Variants in SLC4A9 observed in about 807,000 individuals in gnomAD.
SLC4A9 encodes solute carrier family 4 member 9, also known as anion exchange protein 4.
A neutral mutation model predicts 103.2 loss-of-function variants in SLC4A9; 102 were observed. The observed-to-expected ratio is 0.99, with a 90% CI of 0.84 to 1.17. SLC4A9 has a LOEUF of 1.17. Ranked by LOEUF, SLC4A9 falls within the 50% of genes most tolerant of loss-of-function variation. The pLI is 0.00. For synonymous variants in SLC4A9, 453 were observed against 483.6 expected, an observed-to-expected ratio of 0.94 and a Z score of 0.83; for missense variants, 1,091 against 1,193.7, an observed-to-expected ratio of 0.91 and a Z score of 1.27.
rs750240953 is a variant in SLC4A9 at position 140,364,204 on chromosome 5, C to G, written c.1388+17C>G. 9 of 1,562,316 alleles carry G rather than the reference C, an allele frequency of 5.8e-6. No individual in the cohort carries two copies. The highest frequency in any genetic ancestry group is 4.8e-5 in the South Asian group (4 of 82,500). On this transcript the variant is annotated intron_variant, in intron 10 of 21. Transcript: ENST00000506757. ...TTTCAGCAGGTAGGAGAGCTCCCCC[C>G]ATCACCGGACCCTCACTAGTGCCAT... is the stretch of plus-strand genomic sequence containing the variant.
chr5:140,372,878 G>A, intron 21 of SLC4A9, 35 bp downstream of exon 21: 2 of 1,316,058 alleles, frequency 1.5e-6, no homozygotes, highest in Non-Finnish European at 2.1e-6. Flanking sequence ...TGATGTTGAG[G>A]ATGGGAGGTG....
chr5:140,364,885 G>T (rs1767654333), intron 11 of SLC4A9, among the ~76,000 whole-genome samples: 1 of 152,220 alleles, frequency 6.6e-6, no homozygotes, highest in Non-Finnish European at 1.5e-5. Context: ...TAATGATGAA[G>T]CCAAAATTGA....
Position 140,360,444 on chromosome 5 carries a change from C to A in SLC4A9, c.208C>A (p.Leu70Met), listed in dbSNP as rs1161264853. The A allele has an allele frequency of 1.3e-6, 2 of 1,583,994 alleles. No homozygotes were observed. The highest frequency in any genetic ancestry group is 1.8e-5 in the Admixed American group (1 of 55,820). Residue 70 changes from leucine to methionine, a missense_variant, in exon 1 of 22, where the codon CTG (leucine) becomes ATG (methionine). By Grantham distance (15) the Leu-to-Met change is conservative (BLOSUM62 2). Coordinates refer to ENST00000506757, the MANE Select transcript of SLC4A9 (RefSeq NM_031467.3). Reference protein sequence around the residue: ...LNELLGWPQALEWRETGRWVL... With the variant: ...LNELLGWPQAMEWRETGRWVL... ...TGAGCTGCTGGGCTGGCCCCAGGCG[C>A]TGGAGTGGAGAGAGACAGGCAGGTA... is the stretch of plus-strand genomic sequence containing the variant.
At position 140,371,135 on chromosome 5, in the gene SLC4A9, T is replaced by G. The variant is rs772538775; in HGVS notation, c.2468T>G (p.Met823Arg). 3 of 1,612,302 alleles carry G rather than the reference T, an allele frequency of 1.9e-6. No individual in the cohort carries two copies. The highest frequency in any genetic ancestry group is 1.7e-5 in the Admixed American group (1 of 59,748). The change falls in exon 18 of 22, where the codon ATG becomes AGG. Residue 823 changes from methionine (M) to arginine (R), a missense_variant. Met to Arg is a moderately conservative substitution (Grantham distance 91). Transcript: ENST00000506757. ...GTGCTCTATGGCATCTTCCTGTATA[T>G]GGGGGTGGCAGCGCTCAGCAGCATT... is the stretch of plus-strand genomic sequence containing the variant. ...MPVLYGIFLY[M>R]GVAALSSIQF... is the part of the protein sequence containing the mutation.
chr5:140,365,602 T>G (rs2126766392), intron 12 of SLC4A9, 24 bp downstream of exon 12: 1 of 1,608,184 alleles, frequency 6.2e-7, no homozygotes, highest in Non-Finnish European at 8.5e-7. Flanking sequence ...CCTGGGAGGT[T>G]CTAGGAAGGA....
At chr5:140,367,675 G>A in intron 15 of SLC4A9, 45 bp from the exon 16 acceptor site, 1 of 1,610,304 alleles carries the variant, frequency 6.2e-7, no homozygotes, top group Non-Finnish European at 8.5e-7. Context: ...AGAGGGCTGG[G>A]GCCTGGGCTA....
chr5:140,370,573 G>T (rs1561620876), intron 17 of SLC4A9, among the ~76,000 whole-genome samples: 1 of 152,298 alleles, frequency 6.6e-6, no homozygotes, highest in East Asian at 1.9e-4. Flanking sequence ...GATTAAGAGT[G>T]CCAGGGGCTA....
Position 140,372,251 on chromosome 5 carries a change from C to T in SLC4A9, c.2680C>T (p.Leu894Phe), listed in dbSNP as rs761726362. The T allele has an allele frequency of 6.4e-7, 1 of 1,565,166 alleles. No homozygotes were observed. The highest frequency in any genetic ancestry group is 8.6e-7 in the Non-Finnish European group (1 of 1,162,316). The change falls in exon 20 of 22, where the codon CTT becomes TTT. Residue 894 changes from leucine to phenylalanine, a missense_variant. Physicochemically the swap from Leu to Phe is conservative, Grantham distance 22. Transcript: ENST00000506757. ...GTTTCTATTCCTGCAGTTGCTGGGC[C>T]TTGTGGGGGTCCGAAAGGCCCTGGA... ...AIIFPLMLLG[L>F]VGVRKALERV...
Position 140,367,906 on chromosome 5 carries a change from C to A in SLC4A9, c.2354+8C>A. 3.1e-6 allele frequency: 5 copies of A among 1,613,204 alleles called. No individual in the cohort carries two copies. Among genetic ancestry groups the A allele is most frequent in the Non-Finnish European group, 4.2e-6 (5 of 1,179,566 alleles). The stretch of plus-strand genomic sequence containing the variant: ...CAACTTCCTGGGTATCAGGTGAGGG[C>A]GGTATTTAGGAAGTGGAGTAAGAGG... On this transcript the variant is annotated splice_region_variant and intron_variant, in intron 16 of 21. Transcript: ENST00000506757.
In SLC4A9 at chr5:140,363,381, A is replaced by C; in HGVS notation, c.963-58A>C. 6.8e-7 allele frequency: 1 copy of C among 1,474,058 alleles called. No individual in the cohort carries two copies. The highest frequency in any genetic ancestry group is 1.4e-5 in the African/African-American group (1 of 71,550). The allele number at this position is 1,474,058 out of a possible 1,614,324, so 91.3% of individuals were successfully genotyped here. On this transcript the variant is annotated intron_variant, in intron 7 of 21. Transcript: ENST00000506757. The surrounding 1 kb of genome is among the most constrained non-coding windows in gnomAD (Gnocchi z 4.5). ...GGGGGCAGGGCGCCACGAGCTCTGG[A>C]CCGAGTCGCAGACTGGTTGGAGATC...
In SLC4A9 at chr5:140,362,901, C is replaced by A; in HGVS notation, c.808-11C>A. On this transcript the variant is annotated splice_polypyrimidine_tract_variant and intron_variant, in intron 6 of 21. Transcript: ENST00000506757. ...TTGCACTTACCACCCATTCTGTGCC[C>A]CCATTCCCAGCAATTCCAGTGGTCA... 1.2e-6 allele frequency: 2 copies of A among 1,613,938 alleles called. No individual in the cohort carries two copies. The highest frequency in any genetic ancestry group is 1.7e-6 in the Non-Finnish European group (2 of 1,179,870).
At chr5:140,362,754 T>C (rs1329580634) in intron 6 of SLC4A9, among the ~76,000 whole-genome samples, 158 bp from the exon 7 acceptor site, 3 of 152,208 alleles carry the variant, frequency 2.0e-5, no homozygotes, top group Non-Finnish European at 2.9e-5. Context: ...AGGCACTCAA[T>C]AGATACCCAC....
At chr5:140,361,533 G>A (rs573851886) in intron 3 of SLC4A9, among the ~76,000 whole-genome samples, 166 bp downstream of exon 3, 1 of 152,316 alleles carries the variant, frequency 6.6e-6, no homozygotes, top group South Asian at 2.1e-4. Context: ...GAAGATTCAG[G>A]GGGCTAGAAT....
chr5:140,367,454 C>A lies in SLC4A9; in HGVS notation c.2048C>A (p.Pro683His), dbSNP rs1442221753. The A allele has an allele frequency of 1.2e-6, 2 of 1,610,754 alleles. No homozygotes were observed. Among genetic ancestry groups the A allele is most frequent in the Non-Finnish European group, 1.7e-6 (2 of 1,178,732 alleles). ...CCTGGGCGTGGCTGGCTGGTGTCAC[C>A]TTTTGGAGCCAACCCCTGGTGGTGG... is the stretch of plus-strand genomic sequence containing the variant. ...TLPGRGWLVS[P>H]FGANPWWWSV... Residue 683 changes from proline (P) to histidine (H), a missense_variant, in exon 15 of 22, where the codon CCT becomes CAT. Transcript: ENST00000506757.
chr5:140,372,706 T>C lies in SLC4A9; in HGVS notation c.2827-39T>C. ...TGTTGTCTTTCACTATCTGTCTTTC[T>C]ATCTATTCTCAATCCATCTTGGGAT... On this transcript the variant is annotated intron_variant, in intron 20 of 21. Coordinates refer to ENST00000506757, the MANE Select transcript of SLC4A9 (RefSeq NM_031467.3). 2 of 1,509,888 alleles carry C rather than the reference T, an allele frequency of 1.3e-6. 1 individual carries two copies. The highest frequency in any genetic ancestry group is 2.6e-5 in the South Asian group (2 of 77,806). 93.5% of individuals were successfully genotyped at this position (1,509,888 alleles called of 1,614,324 possible).
rs374734178 is a variant in SLC4A9, at chr5:140,367,858, G to T, written c.2314G>T (p.Ala772Ser). 6.2e-7 allele frequency: 1 copy of T among 1,613,984 alleles called. No individual in the cohort carries two copies. Among genetic ancestry groups the T allele is most frequent in the South Asian group, 1.1e-5 (1 of 91,074 alleles). Residue 772 changes from alanine to serine, a missense_variant, in exon 16 of 22, where the codon GCC (alanine) becomes TCC (serine). Physicochemically the swap from Ala to Ser is moderately conservative, Grantham distance 99 (BLOSUM62 1). Coordinates refer to ENST00000506757, the MANE Select transcript of SLC4A9 (RefSeq NM_031467.3). ...GGACAGTCTTCGGAGAGAGAGCAGA[G>T]CCTGTGCCCCCGGGGAGCGCCCCAA... ...HMDSLRRESR[A>S]CAPGERPNFL...
chr5:140,370,481 A>G (rs1768548153), intron 17 of SLC4A9, among the ~76,000 whole-genome samples: 1 of 152,030 alleles, frequency 6.6e-6, no homozygotes, highest in Admixed American at 6.5e-5. Context: ...AAAAAAACAA[A>G]AACAAAAAAA....
rs575549610 is a variant in SLC4A9, at chr5:140,364,464, G to A, written c.1490G>A (p.Arg497His). Reference protein sequence around the residue: ...LVATEASVLVRYFTRFTEEGF... With the variant: ...LVATEASVLVHYFTRFTEEGF... Reference sequence around the variant, plus strand: ...GCCACAGAGGCCAGTGTGCTGGTGCGCTACTTCACCCGCTTCACTGAGGAA... The same window carrying A: ...GCCACAGAGGCCAGTGTGCTGGTGCACTACTTCACCCGCTTCACTGAGGAA... Residue 497 changes from arginine to histidine, a missense_variant, in exon 11 of 22, where the codon CGC (arginine) becomes CAC (histidine). Physicochemically the swap from Arg to His is conservative, Grantham distance 29. Coordinates refer to ENST00000506757, the MANE Select transcript of SLC4A9 (RefSeq NM_031467.3). The A allele has an allele frequency of 1.6e-5, 26 of 1,613,042 alleles. No homozygotes were observed. Among genetic ancestry groups the A allele is most frequent in the South Asian group, 3.3e-5 (3 of 90,920 alleles).
rs1433443689 is a variant in SLC4A9, at chr5:140,371,485, C to A, written c.2531C>A (p.Ala844Glu). Residue 844 changes from alanine (A) to glutamate (E), a missense_variant, in exon 19 of 22, where the codon GCA becomes GAA. Physicochemically the swap from Ala to Glu is moderately radical, Grantham distance 107. Coordinates refer to ENST00000506757, the MANE Select transcript of SLC4A9 (RefSeq NM_031467.3). ...TNRVKLLLMP[A>E]KHQPDLLLLR... ...AGGGTGAAGCTGTTGTTGATGCCAG[C>A]AAAACACCAGCCAGACCTGCTACTC... is the stretch of plus-strand genomic sequence containing the variant. The A allele has an allele frequency of 6.2e-7, 1 of 1,614,030 alleles. No individual in the cohort carries two copies. The highest frequency in any genetic ancestry group is 1.1e-5 in the South Asian group (1 of 91,088).
Sources: gnomAD v4.1 joint callset for allele counts (sites outside exome capture counted in the v4.1 genomes callset) on GRCh38, gnomAD v4.1.1 for gene constraint, Gnocchi (gnomAD v3.1) non-coding constraint, MANE v1.5 for transcripts, NCBI Gene and HGNC (gene_info 2026-07-23, HGNC 2026-07-21) for gene names.